PMPCB: variants seen among roughly 807,000 people sequenced by gnomAD.
PMPCB encodes mitochondrial-processing peptidase subunit beta.
PMPCB carries 46 observed loss-of-function variants against 61.5 expected under a neutral mutation model. The ratio of observed to expected loss-of-function variants is 0.75; its 90% CI spans 0.59 to 0.96. The LOEUF (loss-of-function observed/expected upper bound fraction) is 0.96, where lower values mean the gene tolerates loss of function less well. PMPCB is among the 40% of genes least tolerant of loss of function. The pLI, the probability that PMPCB is intolerant of heterozygous loss-of-function variation, is 0.00. For missense variants in PMPCB, 590 were observed against 602.4 expected (o/e 0.98, Z 0.22); for synonymous variants, 191 against 201.6 (o/e 0.95, Z 0.44).
chr7:103,298,991 C>A (rs770787158), intron 2 of PMPCB, among the ~76,000 whole-genome samples: 2 of 152,320 alleles, frequency 1.3e-5, no homozygotes, highest in Non-Finnish European at 2.9e-5. Context: ...TGCAGGGCTA[C>A]TCTGCCAAGT....
Position 103,312,194 on chromosome 7 carries a change from T to C in PMPCB, c.1406-13T>C, listed in dbSNP as rs1817782293. The stretch of plus-strand genomic sequence containing the variant: ...CCAAGTACTTTTAATTAACTCTTCT[T>C]TTTAATCCTTAGGTCCCATTAAGCA... On this transcript the variant is annotated splice_polypyrimidine_tract_variant and intron_variant, in intron 12 of 12. Transcript: ENST00000249269. 1 of 1,613,796 alleles carries C rather than the reference T, an allele frequency of 6.2e-7. No homozygotes were observed. The highest frequency in any genetic ancestry group is 1.1e-5 in the South Asian group (1 of 91,076).
At chr7:103,345,131 A>T in the PMPCB span, 2 of 196,134 alleles carry the variant, frequency 1.0e-5, no homozygotes, top group Non-Finnish European at 2.0e-5. Context: ...ATTTGCGGAG[A>T]ATTACGTACG....
downstream of PMPCB, among the ~76,000 whole-genome samples, chr7:103,331,570 A>G (rs1265776759): frequency 6.6e-6 from 1 of 152,128 alleles, no homozygotes; most frequent in African/African-American, 2.4e-5. Flanking sequence ...CACGAGATCA[A>G]CTTTTTAAGC....
intron 12 of PMPCB, among the ~76,000 whole-genome samples, chr7:103,323,196 C>G (rs763945552): frequency 3.3e-5 from 5 of 152,114 alleles, no homozygotes; most frequent in Non-Finnish European, 7.3e-5. Context: ...TCCCAAAGTG[C>G]TAGGATTACA....
chr7:103,310,260 C>T, intron 8 of PMPCB, 55 bp from the exon 9 acceptor site: 1 of 1,353,062 alleles, frequency 7.4e-7, no homozygotes, highest in South Asian at 1.2e-5. Context: ...ATTTTTCTTT[C>T]TGTATTTTGG....
intron 12 of PMPCB, among the ~76,000 whole-genome samples, chr7:103,327,096 A>G (rs1447911927): frequency 6.6e-6 from 1 of 152,228 alleles, no homozygotes; most frequent in African/African-American, 2.4e-5. Flanking sequence ...AATTAGCATC[A>G]AAGTGTAAAA....
chr7:103,303,624 T>C (rs766248736), intron 4 of PMPCB, among the ~76,000 whole-genome samples: 3 of 152,256 alleles, frequency 2.0e-5, no homozygotes, highest in Non-Finnish European at 4.4e-5. Flanking sequence ...ATGGCAAATT[T>C]ATACTTTTTC....
chr7:103,344,748 G>C, the PMPCB span: 1 of 947,572 alleles, frequency 1.1e-6, no homozygotes, highest in African/African-American at 1.6e-5. Flanking sequence ...CCCAGGAACC[G>C]GCGCATGGAG....
the PMPCB span, chr7:103,335,824 T>G: frequency 6.6e-6 from 1 of 152,244 alleles, no homozygotes; most frequent in African/African-American, 2.4e-5. Flanking sequence ...GGATTACAGG[T>G]GTGACCCACT....
At chr7:103,324,317 T>C (rs912263509) in intron 12 of PMPCB, among the ~76,000 whole-genome samples, 4 of 152,224 alleles carry the variant, frequency 2.6e-5, no homozygotes, top group African/African-American at 7.2e-5. Flanking sequence ...ATCTCATTAA[T>C]AGAAAATCTT....
the PMPCB span, chr7:103,337,703 T>C: frequency 6.5e-7 from 1 of 1,530,038 alleles, no homozygotes. Flanking sequence ...CTATACAAGA[T>C]ATTTGATTAT....
Position 103,312,189 on chromosome 7 carries a change from CTT to C in PMPCB, c.1406-17_1406-16del. 3.7e-6 allele frequency: 6 copies of C among 1,613,934 alleles called. No individual in the cohort carries two copies. Among genetic ancestry groups the C allele is most frequent in the Non-Finnish European group, 5.1e-6 (6 of 1,179,930 alleles). On this transcript the variant is annotated splice_polypyrimidine_tract_variant and intron_variant, in intron 12 of 12. Coordinates refer to ENST00000249269, the MANE Select transcript of PMPCB (RefSeq NM_004279.3). ...GTTGGCCAAGTACTTTTAATTAACTCTTCTTTTTAATCCTTAGGTCCCATTAA... is the reference window on the plus strand; with the variant it reads ...GTTGGCCAAGTACTTTTAATTAACTCCTTTTTAATCCTTAGGTCCCATTAA...
exon 13 of PMPCB, chr7:103,329,043 G>C: frequency 8.2e-7 from 1 of 1,223,814 alleles, no homozygotes. Context: ...CTCAGCCACA[G>C]TACGTCTAAT....
intron 7 of PMPCB, 138 bp from the exon 8 acceptor site, chr7:103,308,814 A>G: frequency 1.8e-6 from 1 of 545,078 alleles, no homozygotes. Flanking sequence ...ATGAGGCCTG[A>G]TAGTTAAAAA....
chr7:103,309,912 T>C (rs955291565), intron 8 of PMPCB, among the ~76,000 whole-genome samples: 7 of 152,250 alleles, frequency 4.6e-5, no homozygotes, highest in Non-Finnish European at 8.8e-5. Context: ...AAACACATTG[T>C]ATAGATTTGT....
chr7:103,306,187 G>A (rs1817570739), intron 6 of PMPCB, among the ~76,000 whole-genome samples: 1 of 151,890 alleles, frequency 6.6e-6, no homozygotes, highest in Non-Finnish European at 1.5e-5. Flanking sequence ...GCTTTTATTT[G>A]CCAAATAGTT....
chr7:103,338,770 C>A, the PMPCB span, among the ~76,000 whole-genome samples: 4 of 151,558 alleles, frequency 2.6e-5, no homozygotes, highest in African/African-American at 9.7e-5. Context: ...ATTAGCCGGG[C>A]GTGGTGGCGC....
chr7:103,298,347 G>T (rs1273891728), intron 1 of PMPCB, among the ~76,000 whole-genome samples: 2 of 151,934 alleles, frequency 1.3e-5, no homozygotes, highest in East Asian at 3.9e-4. Context: ...CATCTTCCCT[G>T]AGGGAAGGGC....
rs781117880 is a variant in PMPCB, at chr7:103,298,691, G to A, written c.223G>A (p.Gly75Arg). The A allele has an allele frequency of 7.4e-6, 12 of 1,614,034 alleles. No individual in the cohort carries two copies. In the Admixed American group the frequency reaches 2.0e-4, roughly 27 times the overall value. The change falls in exon 2 of 13, where the codon GGG becomes AGG. Residue 75 changes from glycine (G) to arginine (R), a missense_variant. Gly to Arg is a moderately radical substitution (Grantham distance 125). Coordinates refer to ENST00000249269, the MANE Select transcript of PMPCB (RefSeq NM_004279.3). Reference protein sequence around the residue: ...SGLRVASEDSGLSTCTVGLWI... With the variant: ...SGLRVASEDSRLSTCTVGLWI... ...ACTCAGAGTAGCTTCGGAAGACTCTGGGCTCTCAACATGCACAGTAAGTGA... is the reference window on the plus strand; with the variant it reads ...ACTCAGAGTAGCTTCGGAAGACTCTAGGCTCTCAACATGCACAGTAAGTGA...
Sources: allele counts gnomAD v4.1 joint callset (sites outside exome capture counted in the v4.1 genomes callset), GRCh38; gene constraint gnomAD v4.1.1; transcripts MANE v1.5; gene names NCBI Gene and HGNC (gene_info 2026-07-23, HGNC 2026-07-21).